Variants in LRBA observed in about 807,000 individuals in gnomAD.
LRBA encodes the protein lipopolysaccharide-responsive and beige-like anchor protein.
A neutral mutation model predicts 330.0 loss-of-function variants in LRBA; 176 were observed. The observed-to-expected ratio is 0.53, with a 90% CI of 0.47 to 0.60. The LOEUF (loss-of-function observed/expected upper bound fraction) is 0.60, where lower values mean the gene tolerates loss of function less well. Among genes scored for constraint, LRBA ranks in the 20% least tolerant of loss-of-function variants. LRBA has a pLI of 0.00. For missense variants in LRBA, 3,259 were observed against 3,444.8 expected, an observed-to-expected ratio of 0.95 and a Z score of 1.35; for synonymous variants, 1,230 against 1,193.0, an observed-to-expected ratio of 1.03 and a Z score of -0.64.
At chr4:150,663,836 G>A (rs1452274831) in intron 37 of LRBA, among the ~76,000 whole-genome samples, 1 of 152,134 alleles carries the variant, frequency 6.6e-6, no homozygotes, top group East Asian at 1.9e-4. Context: ...TATCTACCAA[G>A]TAATGCTTCT....
intron 20 of LRBA, among the ~76,000 whole-genome samples, chr4:150,869,868 A>G (rs1753218824): frequency 6.6e-6 from 1 of 152,188 alleles, no homozygotes; most frequent in Non-Finnish European, 1.5e-5. Flanking sequence ...CAGCCTGGGC[A>G]ACATAGGCAA....
At chr4:150,804,683 G>A (rs1362062765) in intron 33 of LRBA, among the ~76,000 whole-genome samples, 1 of 152,090 alleles carries the variant, frequency 6.6e-6, no homozygotes, top group Non-Finnish European at 1.5e-5. Flanking sequence ...GAGAATACAA[G>A]TATATTATCC....
chr4:151,014,292 G>T (rs1234601149), intron 2 of LRBA, 135 bp downstream of exon 2: 6 of 629,100 alleles, frequency 9.5e-6, no homozygotes, highest in Non-Finnish European at 1.7e-5. Flanking sequence ...TTTCATTTAG[G>T]TGAGTAGAAT....
intron 44 of LRBA, among the ~76,000 whole-genome samples, chr4:150,448,631 A>G (rs552353130): frequency 1.3e-5 from 2 of 151,806 alleles, no homozygotes; most frequent in Non-Finnish European, 2.9e-5. Flanking sequence ...ATGAAACCCC[A>G]TCTCTAATAA....
At chr4:150,420,535 C>T (rs183639426) in intron 46 of LRBA, among the ~76,000 whole-genome samples, 6,448 of 16,868 alleles carry the variant, frequency 0.38, 2,293 homozygotes, top group Middle Eastern at 0.5. Flanking sequence ...ATATATAATA[C>T]ACATTATAAT....
intron 37 of LRBA, among the ~76,000 whole-genome samples, chr4:150,616,640 C>T (rs1476017318): frequency 1.3e-5 from 2 of 152,024 alleles, no homozygotes; most frequent in African/African-American, 4.8e-5. Context: ...AAAAGAACAG[C>T]TTCAGTATAT....
intron 35 of LRBA, among the ~76,000 whole-genome samples, chr4:150,747,515 T>G (rs1203649811): frequency 1.3e-5 from 2 of 152,224 alleles, no homozygotes; most frequent in Non-Finnish European, 2.9e-5. Context: ...TGCCAGTCAC[T>G]TCTAAGCTGC....
intron 40 of LRBA, among the ~76,000 whole-genome samples, chr4:150,558,969 A>G (rs1767689554): frequency 6.6e-6 from 1 of 152,176 alleles, no homozygotes. Flanking sequence ...ATCAGACAAC[A>G]TACTGACTGG....
intron 40 of LRBA, among the ~76,000 whole-genome samples, chr4:150,515,520 C>T (rs1762249523): frequency 6.6e-6 from 1 of 152,020 alleles, no homozygotes; most frequent in Non-Finnish European, 1.5e-5. Flanking sequence ...AGTGTAGGTA[C>T]AGCTAGTAAA....
At chr4:150,673,912 G>A (rs1188945664) in intron 37 of LRBA, among the ~76,000 whole-genome samples, 1 of 152,084 alleles carries the variant, frequency 6.6e-6, no homozygotes, top group African/African-American at 2.4e-5. Flanking sequence ...GAGTTATAGG[G>A]AGGCTGGACA....
chr4:150,940,124 C>G lies in LRBA; in HGVS notation c.217-11059G>C, dbSNP rs551637804. On this transcript the variant is annotated intron_variant, in intron 2 of 56. Transcript: ENST00000651943. ...ACTCACATCAAAGTTAGCAAAAGAG[C>G]TGGGCATAGTGGCTTATGCCTGTAA... Among the ~76,000 whole-genome samples, 6 of 151,790 alleles carry G rather than the reference C, an allele frequency of 4.0e-5. No individual in the cohort carries two copies. In the South Asian group the frequency reaches 1.0e-3, roughly 26 times the overall value.
chr4:150,889,919 T>G (rs887204301), intron 17 of LRBA, among the ~76,000 whole-genome samples: 2 of 151,972 alleles, frequency 1.3e-5, no homozygotes, highest in Admixed American at 6.6e-5. Context: ...CAACAAAATT[T>G]TATTTATAAA....
At chr4:150,414,594 G>A (rs62348573) in intron 47 of LRBA, among the ~76,000 whole-genome samples, 33,146 of 151,928 alleles carry the variant, frequency 0.22, 4,430 homozygotes, top group Non-Finnish European at 0.31. Flanking sequence ...AGGTTCAAGC[G>A]ATTCTCCTGC....
At position 150,467,859 on chromosome 4, in the gene LRBA, T is replaced by C. The variant is rs1204167650; in HGVS notation, c.6668-74A>G. 4.5e-6 allele frequency: 3 copies of C among 663,238 alleles called. No homozygotes were observed. The African/African-American group carries it at 5.7e-5, about 13-fold the overall frequency. 41.1% of individuals were successfully genotyped at this position (663,238 alleles called of 1,614,324 possible). On this transcript the variant is annotated intron_variant, in intron 43 of 56. Coordinates refer to ENST00000651943, the MANE Select transcript of LRBA (RefSeq NM_001364905.1). ...AAACAGATTCAGTAATATAATTTAC[T>C]AAAAATAAGATTAAACAATTTTTGA...
intron 50 of LRBA, among the ~76,000 whole-genome samples, chr4:150,318,226 TAAG>T (rs1006671793): frequency 2.0e-5 from 3 of 152,130 alleles, no homozygotes; most frequent in African/African-American, 4.8e-5. Flanking sequence ...GAATTTTTTT[TAAG>T]AAGAAGGAAA....
At chr4:150,833,790 C>A (rs1246792322) in intron 28 of LRBA, among the ~76,000 whole-genome samples, 1 of 151,950 alleles carries the variant, frequency 6.6e-6, no homozygotes, top group African/African-American at 2.4e-5. Flanking sequence ...CTGAATCTTT[C>A]TTTCACAAAA....
chr4:150,352,257 A>G (rs1303349827), intron 47 of LRBA, among the ~76,000 whole-genome samples: 1 of 152,232 alleles, frequency 6.6e-6, no homozygotes, highest in Admixed American at 6.5e-5. Flanking sequence ...ATCTTGTGAC[A>G]AAAGACGTTC....
At chr4:150,898,730 T>A (rs1162309227) in intron 14 of LRBA, among the ~76,000 whole-genome samples, 3 of 151,944 alleles carry the variant, frequency 2.0e-5, no homozygotes, top group Admixed American at 6.6e-5. Flanking sequence ...TTTCCCAAGG[T>A]CACTAATCAG....
At chr4:150,873,626 C>T (rs1753690357) in intron 17 of LRBA, among the ~76,000 whole-genome samples, 1 of 151,862 alleles carries the variant, frequency 6.6e-6, no homozygotes, top group South Asian at 2.1e-4. Flanking sequence ...CTAGGAAGGC[C>T]TTCTGATTTT....
Sources: gnomAD v4.1 joint callset for allele counts (sites outside exome capture counted in the v4.1 genomes callset) on GRCh38, gnomAD v4.1.1 for gene constraint, MANE v1.5 for transcripts, NCBI Gene and HGNC (gene_info 2026-07-23, HGNC 2026-07-21) for gene names.